Variants in CACHD1 observed in about 807,000 individuals in gnomAD.
CACHD1 encodes the protein VWFA and cache domain-containing protein 1.
In CACHD1, 71 loss-of-function variants were observed where a neutral mutation model predicts 138.7. That is an observed-to-expected ratio of 0.51 (90% confidence interval 0.42 to 0.62). CACHD1 has a LOEUF of 0.62. Among genes scored for constraint, CACHD1 ranks in the 20% least tolerant of loss-of-function variants. The pLI is 0.00. For synonymous variants in CACHD1, 578 were observed against 591.5 expected (o/e 0.98, Z 0.33); for missense variants, 1,389 against 1,625.3 (o/e 0.85, Z 2.50).
intron 1 of CACHD1, among the ~76,000 whole-genome samples, chr1:64,537,994 T>C (rs1367748062): frequency 6.6e-6 from 1 of 152,182 alleles, no homozygotes; most frequent in East Asian, 1.9e-4. Context: ...AAGATTATAT[T>C]GTGCATCTGA....
At chr1:64,639,902 T>C (rs1174737613) in intron 7 of CACHD1, among the ~76,000 whole-genome samples, 3 of 152,220 alleles carry the variant, frequency 2.0e-5, no homozygotes, top group Non-Finnish European at 2.9e-5. Flanking sequence ...GAGACGGCAG[T>C]CAGCCTATTG....
chr1:64,580,876 G>A (rs570488720), intron 2 of CACHD1, among the ~76,000 whole-genome samples: 4 of 152,190 alleles, frequency 2.6e-5, no homozygotes, highest in African/African-American at 9.6e-5. Context: ...ATTAAACTGG[G>A]TTTATATGTT....
intron 1 of CACHD1, among the ~76,000 whole-genome samples, chr1:64,489,239 C>T (rs1278589791): frequency 6.6e-6 from 1 of 152,104 alleles, no homozygotes; most frequent in Non-Finnish European, 1.5e-5. Context: ...TTTTTTATTT[C>T]CGTCTTATAA....
chr1:64,521,497 T>C (rs568301167), intron 1 of CACHD1, among the ~76,000 whole-genome samples: 1 of 152,372 alleles, frequency 6.6e-6, no homozygotes, highest in East Asian at 1.9e-4. Context: ...CTTCTTTCAC[T>C]TAGTTTAATA....
intron 7 of CACHD1, among the ~76,000 whole-genome samples, chr1:64,639,729 A>G (rs1172346431): frequency 3.3e-5 from 5 of 152,258 alleles, no homozygotes; most frequent in Non-Finnish European, 5.9e-5. Flanking sequence ...TGTCTTCACC[A>G]TTAGGATAAT....
intron 1 of CACHD1, among the ~76,000 whole-genome samples, chr1:64,488,872 G>A (rs1646257914): frequency 6.6e-6 from 1 of 152,154 alleles, no homozygotes; most frequent in African/African-American, 2.4e-5. Context: ...TTACTAGCCA[G>A]GTACTCTGGT....
At chr1:64,667,899 C>G (rs974207991) in intron 16 of CACHD1, among the ~76,000 whole-genome samples, 1 of 152,168 alleles carries the variant, frequency 6.6e-6, no homozygotes, top group African/African-American at 2.4e-5. Context: ...GATGTTTATG[C>G]TTGTGTATGT....
rs542139702 is a variant in CACHD1 at position 64,687,515 on chromosome 1, T to C, written c.3587-3808T>C. 2.0e-5 allele frequency among the ~76,000 whole-genome samples: 3 copies of C among 152,236 alleles called. No homozygotes were observed. In the East Asian group the frequency reaches 5.8e-4, roughly 29 times the overall value. On this transcript the variant is annotated intron_variant, in intron 26 of 26. Coordinates refer to ENST00000651257, the MANE Select transcript of CACHD1 (RefSeq NM_020925.4). ...TATCAGAAAGCAGTAGCAGAAGAGA[T>C]GGGGGTGCCATCCTGAGATGAAGAG...
chr1:64,573,756 A>G (rs1399963812), intron 2 of CACHD1, among the ~76,000 whole-genome samples: 1 of 152,178 alleles, frequency 6.6e-6, no homozygotes, highest in Non-Finnish European at 1.5e-5. Flanking sequence ...TGATCTAATT[A>G]TTCTGTTTAT....
chr1:64,574,523 A>G (rs921268148), intron 2 of CACHD1, among the ~76,000 whole-genome samples: 3 of 152,182 alleles, frequency 2.0e-5, no homozygotes, highest in East Asian at 1.9e-4. Context: ...TGACACATCT[A>G]TCCTGACTGT....
chr1:64,480,174 T>C (rs1214631939), intron 1 of CACHD1, among the ~76,000 whole-genome samples: 1 of 152,210 alleles, frequency 6.6e-6, no homozygotes, highest in Non-Finnish European at 1.5e-5. Context: ...CTGGCTGCTA[T>C]GAGAACAGGG....
chr1:64,674,975 A>C (rs1391515488), intron 19 of CACHD1, among the ~76,000 whole-genome samples: 1 of 152,194 alleles, frequency 6.6e-6, no homozygotes, highest in African/African-American at 2.4e-5. Context: ...AAGGTTCATC[A>C]CCCAAAGAAA....
In CACHD1 at chr1:64,654,771, G is replaced by A; in HGVS notation, c.1750G>A (p.Glu584Lys). The A allele has an allele frequency of 6.2e-7, 1 of 1,613,676 alleles. No individual in the cohort carries two copies. Among genetic ancestry groups the A allele is most frequent in the South Asian group, 1.1e-5 (1 of 91,076 alleles). ...AAACAAGCTGAGAGAAACTGGAAAG[G>A]AAGCCTACAATGTTAGCTATGCCTG... is the stretch of plus-strand genomic sequence containing the variant. Reference protein sequence around the residue: ...HINKLRETGKEAYNVSYAWKM... With the variant: ...HINKLRETGKKAYNVSYAWKM... Residue 584 changes from glutamate to lysine, a missense_variant, in exon 12 of 27, where the codon GAA (glutamate) becomes AAA (lysine). By Grantham distance (56) the Glu-to-Lys change is moderately conservative. Coordinates refer to ENST00000651257, the MANE Select transcript of CACHD1 (RefSeq NM_020925.4).
chr1:64,610,448 T>C (rs541949561), intron 4 of CACHD1, among the ~76,000 whole-genome samples: 1 of 152,300 alleles, frequency 6.6e-6, no homozygotes, highest in South Asian at 2.1e-4. Flanking sequence ...GGTACAGGCA[T>C]TGGGCAAATA....
At chr1:64,675,864 C>T in intron 20 of CACHD1, 33 bp from the exon 21 acceptor site, 2 of 1,381,232 alleles carry the variant, frequency 1.4e-6, no homozygotes, top group Non-Finnish European at 9.9e-7. Context: ...TGCCATTGAC[C>T]TTCTGCATAG....
intron 26 of CACHD1, among the ~76,000 whole-genome samples, chr1:64,687,202 A>T (rs1235715523): frequency 1.3e-5 from 2 of 152,212 alleles, no homozygotes; most frequent in Non-Finnish European, 2.9e-5. Context: ...GTCTTCCTCC[A>T]TGAGTCAGGG....
chr1:64,635,452 C>T (rs1022433135), intron 7 of CACHD1, among the ~76,000 whole-genome samples: 7 of 149,480 alleles, frequency 4.7e-5, no homozygotes, highest in Non-Finnish European at 8.9e-5. Flanking sequence ...CGCGCAATCC[C>T]GGCTCACTGC....
At chr1:64,559,176 C>A (rs749794259) in intron 2 of CACHD1, among the ~76,000 whole-genome samples, 1 of 152,206 alleles carries the variant, frequency 6.6e-6, no homozygotes, top group Non-Finnish European at 1.5e-5. Flanking sequence ...AAGCATTCTA[C>A]TCTAAAGACA....
intron 4 of CACHD1, among the ~76,000 whole-genome samples, chr1:64,609,367 T>C (rs1231034655): frequency 6.6e-6 from 1 of 152,216 alleles, no homozygotes; most frequent in African/African-American, 2.4e-5. Flanking sequence ...TCATAAAATA[T>C]GTAATTAGTT....
Sources: gnomAD v4.1 joint callset for allele counts (sites outside exome capture counted in the v4.1 genomes callset) on GRCh38, gnomAD v4.1.1 for gene constraint, MANE v1.5 for transcripts, NCBI Gene and HGNC (gene_info 2026-07-23, HGNC 2026-07-21) for gene names.